The following GLCCI1 variants were observed in gnomAD, a reference collection of about 807,000 sequenced individuals.
GLCCI1 encodes glucocorticoid-induced transcript 1 protein.
GLCCI1 carries 24 observed loss-of-function variants against 52.2 expected under a neutral mutation model. The ratio of observed to expected loss-of-function variants is 0.46; its 90% CI spans 0.33 to 0.65. The LOEUF is 0.65. GLCCI1 is among the 30% of genes least tolerant of loss of function. The pLI is 0.02. For synonymous variants in GLCCI1, 310 were observed against 276.5 expected (o/e 1.12, Z -1.20); for missense variants, 704 against 701.5 (o/e 1.00, Z -0.04).
chr7:8,016,178 A>G (rs1304542151), intron 2 of GLCCI1, among the ~76,000 whole-genome samples: 1 of 152,252 alleles, frequency 6.6e-6, no homozygotes, highest in African/African-American at 2.4e-5. Flanking sequence ...ATGCCTTAAC[A>G]GTTAAGATCG....
At chr7:8,008,148 A>G (rs1233915347) in intron 2 of GLCCI1, among the ~76,000 whole-genome samples, 1 of 152,156 alleles carries the variant, frequency 6.6e-6, no homozygotes, top group Admixed American at 6.5e-5. Flanking sequence ...TACTGTAGTC[A>G]TTATGATGTA....
chr7:8,028,630 G>A (rs1583983887), intron 3 of GLCCI1, among the ~76,000 whole-genome samples: 1 of 151,884 alleles, frequency 6.6e-6, no homozygotes, highest in Non-Finnish European at 1.5e-5. Context: ...AAATAAAATG[G>A]ATTTGAAATG....
At chr7:8,026,302 T>C (rs933561638) in intron 3 of GLCCI1, among the ~76,000 whole-genome samples, 4 of 152,044 alleles carry the variant, frequency 2.6e-5, no homozygotes, top group African/African-American at 7.2e-5. Flanking sequence ...GGAATTAAAA[T>C]GGCATACTAA....
intron 3 of GLCCI1, among the ~76,000 whole-genome samples, chr7:8,050,901 G>A (rs537855181): frequency 1.5e-4 from 23 of 152,066 alleles, no homozygotes; most frequent in Non-Finnish European, 2.9e-4. Context: ...TATCTCATGT[G>A]CTTTTGTTGA....
intron 2 of GLCCI1, among the ~76,000 whole-genome samples, chr7:8,005,579 C>T (rs901478441): frequency 2.0e-5 from 3 of 152,204 alleles, no homozygotes; most frequent in Non-Finnish European, 4.4e-5. Flanking sequence ...ATTTCTAACA[C>T]AGGCTAATCT....
chr7:8,040,199 C>T (rs907434531), intron 3 of GLCCI1, among the ~76,000 whole-genome samples: 1 of 151,986 alleles, frequency 6.6e-6, no homozygotes, highest in Non-Finnish European at 1.5e-5. Flanking sequence ...ATTAAAACCA[C>T]AATGAGGGAG....
intron 3 of GLCCI1, among the ~76,000 whole-genome samples, chr7:8,027,791 G>A (rs1457658726): frequency 1.3e-5 from 2 of 152,138 alleles, no homozygotes; most frequent in African/African-American, 2.4e-5. Flanking sequence ...TTCCATGCCA[G>A]TGGAAACCAA....
At chr7:8,057,260 A>T (rs1782417804) in intron 4 of GLCCI1, among the ~76,000 whole-genome samples, 1 of 152,134 alleles carries the variant, frequency 6.6e-6, no homozygotes, top group Non-Finnish European at 1.5e-5. Flanking sequence ...ATCTTCTCAG[A>T]GGCGTTATTC....
chr7:8,083,260 T>C (rs2127969436), intron 6 of GLCCI1, among the ~76,000 whole-genome samples: 1 of 152,262 alleles, frequency 6.6e-6, no homozygotes, highest in Non-Finnish European at 1.5e-5. Flanking sequence ...CTTGTATTTT[T>C]GATCTCATAT....
intron 6 of GLCCI1, 28 bp downstream of exon 6, chr7:8,071,159 G>GT: frequency 6.4e-7 from 1 of 1,567,448 alleles, no homozygotes. Context: ...CACTTAGAGG[G>GT]TTTGTTATGG....
intron 1 of GLCCI1, among the ~76,000 whole-genome samples, chr7:7,991,762 G>A (rs964450187): frequency 1.3e-5 from 2 of 152,018 alleles, no homozygotes; most frequent in African/African-American, 4.8e-5. Flanking sequence ...ATTTCTCATG[G>A]TAAATATCTT....
At chr7:8,040,171 G>T (rs1781967737) in intron 3 of GLCCI1, among the ~76,000 whole-genome samples, 1 of 152,124 alleles carries the variant, frequency 6.6e-6, no homozygotes, top group African/African-American at 2.4e-5. Context: ...TCATTCATTA[G>T]TCATTAGGGA....
intron 1 of GLCCI1, among the ~76,000 whole-genome samples, chr7:7,980,011 C>T (rs892943952): frequency 6.6e-6 from 1 of 152,142 alleles, no homozygotes; most frequent in African/African-American, 2.4e-5. Context: ...TCTTGGCTCA[C>T]TGTAACCTCT....
intron 3 of GLCCI1, among the ~76,000 whole-genome samples, chr7:8,023,107 C>A (rs753774630): frequency 1.8e-4 from 27 of 152,186 alleles, no homozygotes; most frequent in African/African-American, 2.4e-4. Context: ...GCTCCACCTC[C>A]CAGGTTCACG....
At chr7:8,073,137 C>T (rs1477201810) in intron 6 of GLCCI1, among the ~76,000 whole-genome samples, 3 of 152,112 alleles carry the variant, frequency 2.0e-5, no homozygotes, top group African/African-American at 7.2e-5. Context: ...TTAAGAGTAG[C>T]ACTGGCTTTG....
intron 1 of GLCCI1, among the ~76,000 whole-genome samples, chr7:7,996,959 A>G (rs1272932017): frequency 6.6e-6 from 1 of 152,192 alleles, no homozygotes; most frequent in African/African-American, 2.4e-5. Flanking sequence ...CCTGTCACTT[A>G]TCTGAAGTTC....
Position 8,086,073 on chromosome 7 carries a change from A to T in GLCCI1, c.1299-120A>T. The T allele has an allele frequency of 3.7e-6, 3 of 807,624 alleles. No homozygotes were observed. Among genetic ancestry groups the T allele is most frequent in the Non-Finnish European group, 5.9e-6 (3 of 505,706 alleles). The allele number at this position is 807,624 out of a possible 1,614,324, so 50.0% of individuals were successfully genotyped here. On this transcript the variant is annotated intron_variant, in intron 7 of 7. Coordinates refer to ENST00000223145, the MANE Select transcript of GLCCI1 (RefSeq NM_138426.4). This position sits in a 1 kb window ranked among gnomAD's most constrained non-coding sequence, Gnocchi z 4.4. ...GGAAGATGTTTACCCCTCTGTATAC[A>T]CTTAACCCATCTCCTGCCATTTACA...
At chr7:8,070,229 TTC>T (rs1192233145) in intron 5 of GLCCI1, 1 of 152,226 alleles carries the variant, frequency 6.6e-6, no homozygotes, top group African/African-American at 2.4e-5. Flanking sequence ...CTTTTTTTCC[TTC>T]TTTTTGCTAC....
chr7:8,035,334 G>A (rs1362646370), intron 3 of GLCCI1, among the ~76,000 whole-genome samples: 4 of 152,208 alleles, frequency 2.6e-5, no homozygotes, highest in Non-Finnish European at 5.9e-5. Context: ...CCAGCAGCCA[G>A]GTGGCCTCAG....
Sources: allele counts gnomAD v4.1 joint callset (sites outside exome capture counted in the v4.1 genomes callset), GRCh38; gene constraint gnomAD v4.1.1; non-coding constraint Gnocchi (gnomAD v3.1); transcripts MANE v1.5; gene names NCBI Gene and HGNC (gene_info 2026-07-23, HGNC 2026-07-21).